The following SCNN1A variants were observed in gnomAD, a reference collection of about 807,000 sequenced individuals.
SCNN1A encodes sodium channel epithelial 1 subunit alpha.
A neutral mutation model predicts 68.6 loss-of-function variants in SCNN1A; 65 were observed. The observed-to-expected ratio is 0.95, with a 90% CI of 0.78 to 1.16. The LOEUF (loss-of-function observed/expected upper bound fraction) is 1.16. Among genes scored for constraint, SCNN1A ranks in the 50% most tolerant of loss-of-function variants. The pLI, the probability that SCNN1A is intolerant of heterozygous loss-of-function variation, is 0.00. For missense variants in SCNN1A, 880 were observed against 865.9 expected, an observed-to-expected ratio of 1.02 and a Z score of -0.20; for synonymous variants, 357 against 353.3, an observed-to-expected ratio of 1.01 and a Z score of -0.12.
intron 1 of SCNN1A, chr12:6,375,154 T>G: frequency 6.8e-7 from 1 of 1,463,348 alleles, no homozygotes; most frequent in Non-Finnish European, 9.0e-7. Flanking sequence ...GCCCCCTTCC[T>G]TTGGTCTTCT....
At chr12:6,373,350 A>G (rs1180619285) in intron 2 of SCNN1A, among the ~76,000 whole-genome samples, 1 of 152,078 alleles carries the variant, frequency 6.6e-6, no homozygotes, top group Non-Finnish European at 1.5e-5. Context: ...CACCATTTTT[A>G]TCATACTTAT....
rs531775549 is a variant in SCNN1A, at chr12:6,355,689, C to T, written c.979+88G>A. 179 of 1,018,104 alleles carry T rather than the reference C, an allele frequency of 1.8e-4. 2 individuals are homozygous for T. In the South Asian group the frequency reaches 2.1e-3, roughly 12 times the overall value. The allele number at this position is 1,018,104 out of a possible 1,614,324, so 63.1% of individuals were successfully genotyped here. A position where few individuals can be genotyped will look rare whatever the true frequency, so the allele number is the denominator to read the frequency against. On this transcript the variant is annotated intron_variant, in intron 5 of 12. Transcript: ENST00000228916. ...GGGAGAGACAGCAGGCAGGACCCCTCCCAGCAGCTCTAGGAGGTGAGCTCA... is the reference window on the plus strand; with the variant it reads ...GGGAGAGACAGCAGGCAGGACCCCTTCCAGCAGCTCTAGGAGGTGAGCTCA...
intron 2 of SCNN1A, among the ~76,000 whole-genome samples, chr12:6,367,729 A>C (rs934557215): frequency 1.3e-5 from 2 of 152,218 alleles, no homozygotes; most frequent in Non-Finnish European, 2.9e-5. Context: ...TACATCAATT[A>C]TGCCTCACTT....
chr12:6,375,635 C>G (rs777145578), upstream of SCNN1A: 7 of 1,488,756 alleles, frequency 4.7e-6, no homozygotes, highest in South Asian at 7.6e-5. Flanking sequence ...GAGTCAGAGC[C>G]GGGAGTTTTC....
chr12:6,371,293 T>C (rs1343373912), intron 2 of SCNN1A, among the ~76,000 whole-genome samples: 4 of 151,670 alleles, frequency 2.6e-5, no homozygotes, highest in African/African-American at 9.7e-5. Flanking sequence ...TCCCTGCCAC[T>C]CTCCTGAGTA....
chr12:6,374,395 A>G lies in SCNN1A; in HGVS notation c.389T>C (p.Val130Ala), dbSNP rs764441874. The G allele has an allele frequency of 3.7e-6, 6 of 1,614,236 alleles. No individual in the cohort carries two copies. In the South Asian group the frequency reaches 5.5e-5, roughly 15 times the overall value. ...GTAGGGATTGAGGGTGCAGATGGTC[A>G]CTGCGGGGAAGACGAGCTTGTCCGA... Reference protein sequence around the residue: ...LNSDKLVFPAVTICTLNPYRY... With the variant: ...LNSDKLVFPAATICTLNPYRY... Residue 130 changes from valine to alanine, a missense_variant, in exon 2 of 13, where the codon GTG (valine) becomes GCG (alanine). Val to Ala is a moderately conservative substitution (Grantham distance 64, BLOSUM62 0). This residue lies in a region of SCNN1A where 758 missense variants were observed against 721.8 expected (regional missense o/e 1.05). Transcript: ENST00000228916. The surrounding 1 kb of genome is among the most constrained non-coding windows in gnomAD (Gnocchi z 6.2).
At chr12:6,357,281 A>G (rs1948513045) in intron 4 of SCNN1A, among the ~76,000 whole-genome samples, 2 of 151,868 alleles carry the variant, frequency 1.3e-5, no homozygotes, top group South Asian at 4.1e-4. Flanking sequence ...AGAGCTTCGA[A>G]AAAAAAAAGT....
intron 4 of SCNN1A, among the ~76,000 whole-genome samples, chr12:6,361,692 G>A (rs34910948): frequency 3.3e-5 from 5 of 152,122 alleles, no homozygotes; most frequent in East Asian, 1.9e-4. Flanking sequence ...GCAGACAGCC[G>A]AGATCGCGCC....
At position 6,374,694 on chromosome 12, in the gene SCNN1A, C is replaced by A; in HGVS notation, c.90G>T (p.Gly30=). The change falls in exon 2 of 13, where the codon GGG becomes GGT. Residue 30 remains glycine (G), a synonymous_variant. Coordinates refer to ENST00000228916, the MANE Select transcript of SCNN1A (RefSeq NM_001038.6). The surrounding 1 kb of genome is among the most constrained non-coding windows in gnomAD (Gnocchi z 6.2). ...GGGGCGCCGCAGGTTCGGGGCCCAG[C>A]CCCTGCTCCTCACGCTTGTTCCCCT... ...LMKGNKREEQ[G]LGPEPAAPQQ... 2 of 1,614,056 alleles carry A rather than the reference C, an allele frequency of 1.2e-6. No individual in the cohort carries two copies. Among genetic ancestry groups the A allele is most frequent in the Non-Finnish European group, 1.7e-6 (2 of 1,180,000 alleles).
At chr12:6,349,800 C>A in intron 8 of SCNN1A, 1 of 211,846 alleles carries the variant, frequency 4.7e-6, no homozygotes, top group Non-Finnish European at 9.8e-6. Flanking sequence ...AATCTTGGCT[C>A]ACTGCAAGCT....
intron 2 of SCNN1A, among the ~76,000 whole-genome samples, chr12:6,368,148 T>C (rs540636128): frequency 6.6e-6 from 1 of 152,366 alleles, no homozygotes; most frequent in Admixed American, 6.5e-5. Context: ...AGAAAAACTT[T>C]AAACAAATTA....
chr12:6,369,337 T>G (rs1159527217), intron 2 of SCNN1A, among the ~76,000 whole-genome samples: 11 of 150,436 alleles, frequency 7.3e-5, no homozygotes, highest in Admixed American at 7.3e-4. Flanking sequence ...CCTGCCACCC[T>G]ACGCACCTCC....
In SCNN1A at chr12:6,362,226, A is replaced by C. The variant is rs1948592457; in HGVS notation, c.700T>G (p.Ser234Ala). ...IGFQLCNQNK[S>A]DCFYQTYSSG... is the part of the protein sequence containing the mutation. The stretch of plus-strand genomic sequence containing the variant: ...GAGTATGTCTGGTAGAAGCAGTCCG[A>C]TTTGTTCTGGTTGCACTGGACACAG... Residue 234 changes from serine to alanine, a missense_variant, in exon 4 of 13, where the codon TCG (serine) becomes GCG (alanine). Physicochemically the swap from Ser to Ala is moderately conservative, Grantham distance 99. Coordinates refer to ENST00000228916, the MANE Select transcript of SCNN1A (RefSeq NM_001038.6). 1.9e-6 allele frequency: 3 copies of C among 1,614,148 alleles called. No homozygotes were observed. Among genetic ancestry groups the C allele is most frequent in the Non-Finnish European group, 1.7e-6 (2 of 1,180,000 alleles).
At chr12:6,376,634 A>G (rs1473125151), upstream of SCNN1A, among the ~76,000 whole-genome samples, 1 of 152,212 alleles carries the variant, frequency 6.6e-6, no homozygotes, top group African/African-American at 2.4e-5. Context: ...CAGCAAAAGG[A>G]TAAGGAGTGG....
chr12:6,348,907 C>T, intron 11 of SCNN1A, 43 bp downstream of exon 11: 1 of 1,611,756 alleles, frequency 6.2e-7, no homozygotes, highest in Non-Finnish European at 8.5e-7. Flanking sequence ...ATTTTCCCTC[C>T]CAAAGATTCC....
In SCNN1A at chr12:6,351,019, T is replaced by C. The variant is rs1238835134; in HGVS notation, c.1361-1614A>G. Among the ~76,000 whole-genome samples, 1 of 152,204 alleles carries C rather than the reference T, an allele frequency of 6.6e-6. No homozygotes were observed. The highest frequency in any genetic ancestry group is 1.5e-5 in the Non-Finnish European group (1 of 68,040). ...AAAAGGTTAAACATAGATTACCATA[T>C]GACCTAGCAATTCCATTCCTAGGTA... On this transcript the variant is annotated intron_variant, in intron 8 of 12. Transcript: ENST00000228916. This position sits in a 1 kb window ranked among gnomAD's most constrained non-coding sequence, Gnocchi z 4.2.
At chr12:6,369,284 G>A (rs1368164754) in intron 2 of SCNN1A, among the ~76,000 whole-genome samples, 3 of 148,422 alleles carry the variant, frequency 2.0e-5, no homozygotes, top group Non-Finnish European at 3.0e-5. Flanking sequence ...CCTCCCTCCT[G>A]CCACCCTACT....
In SCNN1A at chr12:6,355,291, G is replaced by A. The variant is rs755461944; in HGVS notation, c.1124C>T (p.Thr375Ile). The change falls in exon 6 of 13, where the codon ACC (threonine) becomes ATC (isoleucine). Residue 375 changes from threonine (T) to isoleucine (I), a missense_variant. Physicochemically the swap from Thr to Ile is moderately conservative, Grantham distance 89 (BLOSUM62 -1). This residue lies in a region of SCNN1A where 758 missense variants were observed against 721.8 expected (regional missense o/e 1.05). Coordinates refer to ENST00000228916, the MANE Select transcript of SCNN1A (RefSeq NM_001038.6). ...CCTTGCCTTCCTCATGCTGATGGAGGTCTCCACGCCAGGCCGCAAGTTAAA... is the reference window on the plus strand; with the variant it reads ...CCTTGCCTTCCTCATGCTGATGGAGATCTCCACGCCAGGCCGCAAGTTAAA... ...GGFNLRPGVE[T>I]SISMRKETLD... is the part of the protein sequence containing the mutation. The A allele has an allele frequency of 6.2e-7, 1 of 1,613,308 alleles. No individual in the cohort carries two copies. Among genetic ancestry groups the A allele is most frequent in the Middle Eastern group, 1.7e-4 (1 of 6,060 alleles).
In SCNN1A at chr12:6,374,737, G is replaced by T. The variant is rs1335280234; in HGVS notation, c.47C>A (p.Ser16Tyr). ...GTTCCCCTTCATGAGCCCTGGAGTGGACTGTGGAGGGCTAGAGTCCTGCTC... is the reference window on the plus strand; with the variant it reads ...GTTCCCCTTCATGAGCCCTGGAGTGTACTGTGGAGGGCTAGAGTCCTGCTC... The part of the protein sequence containing the change: ...LEEQDSSPPQ[S>Y]TPGLMKGNKR... The change falls in exon 2 of 13, where the codon TCC becomes TAC. Residue 16 changes from serine to tyrosine, a missense_variant. Ser to Tyr is a moderately radical substitution (Grantham distance 144). Transcript: ENST00000228916. This position sits in a 1 kb window ranked among gnomAD's most constrained non-coding sequence, Gnocchi z 6.2. 2.5e-6 allele frequency: 4 copies of T among 1,614,048 alleles called. No homozygotes were observed. The highest frequency in any genetic ancestry group is 3.4e-6 in the Non-Finnish European group (4 of 1,180,038).
Sources: gnomAD v4.1 joint callset for allele counts (sites outside exome capture counted in the v4.1 genomes callset) on GRCh38, gnomAD v4.1.1 for gene constraint, gnomAD v4.1.1 regional missense constraint, Gnocchi (gnomAD v3.1) non-coding constraint, MANE v1.5 for transcripts, NCBI Gene and HGNC (gene_info 2026-07-23, HGNC 2026-07-21) for gene names.